Variants in PLPP3 observed in about 807,000 individuals in gnomAD.
The protein encoded by PLPP3 is PAP2 beta.
Under a neutral mutation model 29.6 loss-of-function variants are expected in PLPP3, and 6 were observed. That is an observed-to-expected ratio of 0.20 (90% confidence interval 0.11 to 0.40). PLPP3 has a LOEUF of 0.40. PLPP3 is among the 10% of genes least tolerant of loss of function. PLPP3 has a pLI of 1.00. For synonymous variants in PLPP3, 152 were observed against 159.7 expected, an observed-to-expected ratio of 0.95 and a Z score of 0.36; for missense variants, 308 against 407.7, an observed-to-expected ratio of 0.76 and a Z score of 2.11.
chr1:56,577,657 A>G (rs1646244878), intron 1 of PLPP3, among the ~76,000 whole-genome samples: 1 of 152,190 alleles, frequency 6.6e-6, no homozygotes, highest in African/African-American at 2.4e-5. Context: ...AGGGGACTTA[A>G]GTCTGTGCAG....
At chr1:56,542,695 T>C (rs1645978399) in intron 1 of PLPP3, among the ~76,000 whole-genome samples, 1 of 152,184 alleles carries the variant, frequency 6.6e-6, no homozygotes, top group South Asian at 2.1e-4. Flanking sequence ...GCATCTGGTA[T>C]AGCATAATTA....
At chr1:56,531,010 T>G (rs902245050) in intron 2 of PLPP3, among the ~76,000 whole-genome samples, 14 of 152,212 alleles carry the variant, frequency 9.2e-5, no homozygotes, top group African/African-American at 3.4e-4. Flanking sequence ...CTTTGACTTA[T>G]GAGTCTTGTA....
chr1:56,508,626 G>A (rs1645719690), intron 5 of PLPP3, among the ~76,000 whole-genome samples: 2 of 152,148 alleles, frequency 1.3e-5, no homozygotes, highest in Admixed American at 1.3e-4. Flanking sequence ...GCATTCCCTG[G>A]GACAGCGGCC....
chr1:56,497,131 C>A (rs1645635860), intron 5 of PLPP3, among the ~76,000 whole-genome samples: 1 of 152,256 alleles, frequency 6.6e-6, no homozygotes, highest in Non-Finnish European at 1.5e-5. Flanking sequence ...TCAGCAAGAG[C>A]TGAAGTCAGG....
At chr1:56,544,941 T>A (rs968158593) in intron 1 of PLPP3, among the ~76,000 whole-genome samples, 1 of 152,234 alleles carries the variant, frequency 6.6e-6, no homozygotes, top group African/African-American at 2.4e-5. Flanking sequence ...GACACAGCAA[T>A]AGTCCCATCC....
chr1:56,509,286 G>C (rs1471271199), intron 5 of PLPP3, among the ~76,000 whole-genome samples: 1 of 152,118 alleles, frequency 6.6e-6, no homozygotes, highest in Non-Finnish European at 1.5e-5. Context: ...CCACCCAAAG[G>C]GTTAGGAAGG....
At chr1:56,518,715 T>TTTTATATATATATATATATATATA (rs1553136509) in intron 4 of PLPP3, among the ~76,000 whole-genome samples, 2 of 126,670 alleles carry the variant, frequency 1.6e-5, no homozygotes, top group African/African-American at 2.8e-5. Context: ...TTTTAATCAT[T>TTTTATATATATATATATATATATA]TATATATATA....
Position 56,550,045 on chromosome 1 carries a change from C to T in PLPP3, c.140-12933G>A, listed in dbSNP as rs1048673957. Among the ~76,000 whole-genome samples the T allele has an allele frequency of 1.1e-4, 16 of 152,212 alleles. No individual in the cohort carries two copies. The East Asian group carries it at 2.5e-3, about 24-fold the overall frequency. On this transcript the variant is annotated intron_variant, in intron 1 of 5. Transcript: ENST00000371250. ...CACAGAGAAGTAGGCCAGAAAGGGA[C>T]GCTGGGTCCGGCTGACTTTCCATGG...
chr1:56,579,369 G>T lies in PLPP3; in HGVS notation c.-353C>A. 1 of 271,368 alleles carries T rather than the reference G, an allele frequency of 3.7e-6. No individual in the cohort carries two copies. The highest frequency in any genetic ancestry group is 7.0e-6 in the Non-Finnish European group (1 of 143,410). 16.8% of individuals were successfully genotyped at this position (271,368 alleles called of 1,614,324 possible). A position where few individuals can be genotyped will look rare whatever the true frequency, so the allele number is the denominator to read the frequency against. On this transcript the variant is annotated 5_prime_UTR_variant, in exon 1 of 6. Transcript: ENST00000371250. ...GCGCGAGCGAGCGAGTGGGCAGCGC[G>T]GGCGCTCGGCCACCTTCCTCCGCAG...
intron 4 of PLPP3, among the ~76,000 whole-genome samples, chr1:56,523,409 A>G (rs1400670445): frequency 6.6e-6 from 1 of 152,118 alleles, no homozygotes; most frequent in Non-Finnish European, 1.5e-5. Flanking sequence ...TTTTCAGAAA[A>G]CAGTGTTTGT....
intron 5 of PLPP3, among the ~76,000 whole-genome samples, chr1:56,498,533 A>G (rs10789025): frequency 1 from 151,575 of 152,278 alleles, 75,442 homozygotes; most frequent in East Asian, 1. Context: ...TCTGAGAGGT[A>G]CAGACAACAA....
rs115677019 is a variant in PLPP3, at chr1:56,539,801, G to A, written c.140-2689C>T. Among the ~76,000 whole-genome samples the A allele has an allele frequency of 6.9e-3, 1,047 of 152,256 alleles. 15 individuals carry two copies. Among genetic ancestry groups the A allele is most frequent in the African/African-American group, 0.024 (991 of 41,548 alleles). On this transcript the variant is annotated intron_variant, in intron 1 of 5. Coordinates refer to ENST00000371250, the MANE Select transcript of PLPP3 (RefSeq NM_003713.5). ...AACATTTTGAAATGCAACCAAGTTG[G>A]CTATGAAAAGTAGCTGAGAAGCCAG... is the stretch of plus-strand genomic sequence containing the variant.
intron 2 of PLPP3, among the ~76,000 whole-genome samples, chr1:56,532,204 C>T (rs948203854): frequency 6.6e-6 from 1 of 152,098 alleles, no homozygotes; most frequent in African/African-American, 2.4e-5. Context: ...ACTGTTCCCC[C>T]AGGGATAAGA....
At chr1:56,571,520 C>G (rs1646198679) in intron 1 of PLPP3, among the ~76,000 whole-genome samples, 1 of 152,124 alleles carries the variant, frequency 6.6e-6, no homozygotes. Flanking sequence ...AAAAAATGAC[C>G]TTGGTATCGT....
intron 5 of PLPP3, among the ~76,000 whole-genome samples, chr1:56,507,048 G>T (rs1645706694): frequency 6.6e-6 from 1 of 152,234 alleles, no homozygotes; most frequent in African/African-American, 2.4e-5. Flanking sequence ...TTTCTGGAAA[G>T]CATTCAATTA....
chr1:56,571,692 C>T (rs1224151470), intron 1 of PLPP3, among the ~76,000 whole-genome samples: 4 of 152,180 alleles, frequency 2.6e-5, no homozygotes, highest in African/African-American at 9.7e-5. Context: ...CTGTCTACTC[C>T]ACTGCCCAAT....
At chr1:56,551,008 C>T (rs1646034433) in intron 1 of PLPP3, among the ~76,000 whole-genome samples, 1 of 152,126 alleles carries the variant, frequency 6.6e-6, no homozygotes, top group Admixed American at 6.5e-5. Context: ...TTTGGGAACC[C>T]ATAGGCCTTT....
At chr1:56,539,454 T>C (rs1645953195) in intron 1 of PLPP3, among the ~76,000 whole-genome samples, 1 of 152,212 alleles carries the variant, frequency 6.6e-6, no homozygotes, top group Non-Finnish European at 1.5e-5. Context: ...TCTTTGGATT[T>C]ATTTGAATTC....
At chr1:56,500,746 TAAAATCCCA>T (rs560495976) in intron 5 of PLPP3, among the ~76,000 whole-genome samples, 24 of 152,262 alleles carry the variant, frequency 1.6e-4, no homozygotes, top group African/African-American at 5.8e-4. Context: ...GGCTCACGCC[TAAAATCCCA>T]GCACTTTGGG....
Sources: gnomAD v4.1 joint callset for allele counts (sites outside exome capture counted in the v4.1 genomes callset) on GRCh38, gnomAD v4.1.1 for gene constraint, MANE v1.5 for transcripts, NCBI Gene and HGNC (gene_info 2026-07-23, HGNC 2026-07-21) for gene names.